The following BLMH variants were observed in gnomAD, a reference collection of about 807,000 sequenced individuals.
The protein encoded by BLMH is BLM hydrolase.
In BLMH, 32 loss-of-function variants were observed where a neutral mutation model predicts 61.6. The ratio of observed to expected loss-of-function variants is 0.52; its 90% CI spans 0.39 to 0.70. The LOEUF (loss-of-function observed/expected upper bound fraction) is 0.70, where lower values mean the gene tolerates loss of function less well. BLMH is among the 30% of genes least tolerant of loss of function. The pLI is 0.00. For synonymous variants in BLMH, 183 were observed against 193.8 expected, an observed-to-expected ratio of 0.94 and a Z score of 0.46; for missense variants, 460 against 555.5, an observed-to-expected ratio of 0.83 and a Z score of 1.73.
In BLMH at chr17:30,289,271, T is replaced by A. The variant is rs1261743825; in HGVS notation, c.321+102A>T. On this transcript the variant is annotated intron_variant, in intron 3 of 11. Coordinates refer to ENST00000261714, the MANE Select transcript of BLMH (RefSeq NM_000386.4). Reference sequence around the variant, plus strand: ...TCAGAATAAAAGGTGTCTCACCTATTATGAAAGGGCAGGCTATAACTGGAA... The same window carrying A: ...TCAGAATAAAAGGTGTCTCACCTATAATGAAAGGGCAGGCTATAACTGGAA... 13 of 605,522 alleles carry A rather than the reference T, an allele frequency of 2.1e-5. 1 individual carries two copies. The highest frequency in any genetic ancestry group is 3.5e-5 in the Non-Finnish European group (13 of 376,142). 37.5% of individuals were successfully genotyped at this position (605,522 alleles called of 1,614,324 possible). A position where few individuals can be genotyped will look rare whatever the true frequency, so the allele number is the denominator to read the frequency against.
chr17:30,290,094 A>G (rs997346939), intron 2 of BLMH, among the ~76,000 whole-genome samples: 5 of 152,218 alleles, frequency 3.3e-5, no homozygotes, highest in Non-Finnish European at 7.3e-5. Flanking sequence ...AGAAAACTCT[A>G]GTTAACTATA....
At chr17:30,252,624 C>A (rs1907702661) in intron 11 of BLMH, among the ~76,000 whole-genome samples, 1 of 151,472 alleles carries the variant, frequency 6.6e-6, no homozygotes, top group Non-Finnish European at 1.5e-5. Context: ...TGCACTCTAG[C>A]CTAAACAGAG....
chr17:30,272,214 G>A (rs1370359337), intron 9 of BLMH: 2 of 265,136 alleles, frequency 7.5e-6, no homozygotes, highest in East Asian at 7.6e-5. Flanking sequence ...CATAGCAAAC[G>A]GGGGCTCTGG....
rs780363919 is a variant in BLMH at position 30,274,163 on chromosome 17, G to A, written c.680C>T (p.Pro227Leu). 28 of 1,613,944 alleles carry A rather than the reference G, an allele frequency of 1.7e-5. No individual in the cohort carries two copies. Among genetic ancestry groups the A allele is most frequent in the Non-Finnish European group, 2.4e-5 (28 of 1,180,016 alleles). ...FRVVCICLGNPPETFTWEYRD... is the reference protein window; with the variant it reads ...FRVVCICLGNLPETFTWEYRD... ...ATATTCCCAGGTGAATGTCTCTGGTGGATTACCCAAACAGATGCACACCAC... is the reference window on the plus strand; with the variant it reads ...ATATTCCCAGGTGAATGTCTCTGGTAGATTACCCAAACAGATGCACACCAC... The change falls in exon 7 of 12, where the codon CCA becomes CTA. Residue 227 changes from proline to leucine, a missense_variant. Physicochemically the swap from Pro to Leu is moderately conservative, Grantham distance 98 (BLOSUM62 -3). Transcript: ENST00000261714.
In BLMH at chr17:30,286,810, G is replaced by A. The variant is rs1908743898; in HGVS notation, c.552+4C>T. The stretch of plus-strand genomic sequence containing the variant: ...TCAATCCCACCCTGCTTCATATATT[G>A]TACCTTGTGATTCAGAATATCATTC... On this transcript the variant is annotated splice_donor_region_variant and intron_variant, in intron 5 of 11. Coordinates refer to ENST00000261714, the MANE Select transcript of BLMH (RefSeq NM_000386.4). 5 of 1,571,016 alleles carry A rather than the reference G, an allele frequency of 3.2e-6. No homozygotes were observed. The highest frequency in any genetic ancestry group is 4.4e-6 in the Non-Finnish European group (5 of 1,142,224).
chr17:30,262,807 A>C (rs922129810), intron 11 of BLMH, among the ~76,000 whole-genome samples: 1 of 152,182 alleles, frequency 6.6e-6, no homozygotes, highest in Non-Finnish European at 1.5e-5. Context: ...AAAAGCAAAA[A>C]CAAAACAAAA....
At chr17:30,273,891 G>T in intron 7 of BLMH, 151 bp downstream of exon 7, 1 of 927,418 alleles carries the variant, frequency 1.1e-6, no homozygotes, top group Non-Finnish European at 1.6e-6. Context: ...TTCATTAGCT[G>T]CATAAAATAC....
chr17:30,279,183 C>G (rs1908511847), intron 6 of BLMH, among the ~76,000 whole-genome samples: 1 of 152,188 alleles, frequency 6.6e-6, no homozygotes, highest in Non-Finnish European at 1.5e-5. Context: ...TTAAAAAGAA[C>G]AGAAGAAGCC....
At chr17:30,260,577 G>A (rs1190164802) in intron 11 of BLMH, among the ~76,000 whole-genome samples, 2 of 152,128 alleles carry the variant, frequency 1.3e-5, no homozygotes, top group African/African-American at 4.8e-5. Context: ...AAAGATGGAT[G>A]GTGAAAAGCC....
chr17:30,291,565 G>A, intron 1 of BLMH, 57 bp from the exon 2 acceptor site: 3 of 1,587,730 alleles, frequency 1.9e-6, no homozygotes, highest in Non-Finnish European at 8.6e-7. Context: ...GGCTGATCTG[G>A]GGCTCCCGCG....
At chr17:30,287,457 G>A (rs1348417387) in intron 4 of BLMH, among the ~76,000 whole-genome samples, 2 of 152,196 alleles carry the variant, frequency 1.3e-5, no homozygotes, top group African/African-American at 2.4e-5. Context: ...TCAGCATGAT[G>A]AGATTTCCCC....
intron 6 of BLMH, among the ~76,000 whole-genome samples, chr17:30,278,279 T>C (rs1908479155): frequency 6.6e-6 from 1 of 152,164 alleles, no homozygotes; most frequent in African/African-American, 2.4e-5. Flanking sequence ...AAGATCTACT[T>C]GGCATCCAGG....
intron 10 of BLMH, among the ~76,000 whole-genome samples, chr17:30,268,755 G>C (rs966593524): frequency 6.6e-6 from 1 of 151,194 alleles, no homozygotes; most frequent in African/African-American, 2.4e-5. Context: ...ACAAATTCTC[G>C]GCTGGGCACA....
At position 30,291,850 on chromosome 17, in the gene BLMH, A is replaced by G. The variant is rs984767766; in HGVS notation, c.-31T>C. On this transcript the variant is annotated 5_prime_UTR_variant, in exon 1 of 12. Transcript: ENST00000261714. ...CCACGCTGCCCGGCGGGGTAACGGTAGCTTCCAGGGTCCTTGGGCGAGCGC... is the reference window on the plus strand; with the variant it reads ...CCACGCTGCCCGGCGGGGTAACGGTGGCTTCCAGGGTCCTTGGGCGAGCGC... 2.2e-6 allele frequency: 3 copies of G among 1,342,184 alleles called. No individual in the cohort carries two copies. The highest frequency in any genetic ancestry group is 2.9e-6 in the Non-Finnish European group (3 of 1,051,336). The allele number at this position is 1,342,184 out of a possible 1,614,324, so 83.1% of individuals were successfully genotyped here.
intron 2 of BLMH, 100 bp downstream of exon 2, chr17:30,291,211 G>A: frequency 7.1e-7 from 1 of 1,415,140 alleles, no homozygotes; most frequent in Non-Finnish European, 9.7e-7. Context: ...TTTACGACCA[G>A]TTCTTTCAGT....
chr17:30,284,858 T>A (rs1908686141), intron 6 of BLMH, among the ~76,000 whole-genome samples: 1 of 152,236 alleles, frequency 6.6e-6, no homozygotes, highest in African/African-American at 2.4e-5. Context: ...TCTTTGTTTA[T>A]GGCACTGTTC....
chr17:30,282,768 G>C (rs1908627534), intron 6 of BLMH, among the ~76,000 whole-genome samples: 1 of 152,174 alleles, frequency 6.6e-6, no homozygotes, highest in Non-Finnish European at 1.5e-5. Context: ...CAAATCATAG[G>C]TACTAATTTG....
chr17:30,261,295 A>C (rs1200966099), intron 11 of BLMH, among the ~76,000 whole-genome samples: 1 of 152,224 alleles, frequency 6.6e-6, no homozygotes, highest in African/African-American at 2.4e-5. Flanking sequence ...TAGTTTCTTC[A>C]CATAAAACCT....
intron 10 of BLMH, among the ~76,000 whole-genome samples, chr17:30,267,737 C>T (rs1908150118): frequency 6.6e-6 from 1 of 152,162 alleles, no homozygotes; most frequent in African/African-American, 2.4e-5. Flanking sequence ...AGGAAGGCTC[C>T]ATTTGGGAAA....
Sources: allele counts gnomAD v4.1 joint callset (sites outside exome capture counted in the v4.1 genomes callset), GRCh38; gene constraint gnomAD v4.1.1; transcripts MANE v1.5; gene names NCBI Gene and HGNC (gene_info 2026-07-23, HGNC 2026-07-21).